Variants in ACTMAP observed in about 807,000 individuals in gnomAD.
ACTMAP encodes the protein UPF0692 protein C19orf54.
the ACTMAP span, chr19:40,742,582 C>G: frequency 1.9e-6 from 3 of 1,607,980 alleles, no homozygotes; most frequent in Non-Finnish European, 1.7e-6. Context: ...CGGACCTGGT[C>G]GTAGTCCCAC....
the ACTMAP span, chr19:40,743,990 A>G: frequency 1.9e-6 from 3 of 1,613,854 alleles, no homozygotes; most frequent in East Asian, 2.2e-5. Flanking sequence ...TGCTGGCATT[A>G]AGGTAAAAAC....
the ACTMAP span, chr19:40,749,972 G>A: frequency 3.6e-5 from 19 of 526,618 alleles, no homozygotes; most frequent in African/African-American, 3.4e-4. Context: ...TGAAACCACG[G>A]GAGCAGGAAT....
the ACTMAP span, chr19:40,743,907 G>T: frequency 6.2e-7 from 1 of 1,614,010 alleles, no homozygotes; most frequent in Non-Finnish European, 8.5e-7. Flanking sequence ...GAACCCACCT[G>T]CACTCACCGC....
the ACTMAP span, chr19:40,741,209 A>G: frequency 0.5 from 193,017 of 384,946 alleles, 49,191 homozygotes; most frequent in East Asian, 0.59. Context: ...TGGGAGGCCG[A>G]GGCGGGTGGA....
At chr19:40,743,378 A>G in the ACTMAP span, among the ~76,000 whole-genome samples, 1 of 152,068 alleles carries the variant, frequency 6.6e-6, no homozygotes, top group Admixed American at 6.6e-5. Context: ...GATTTCAGGC[A>G]TACACCACCA....
At chr19:40,749,770 G>C in the ACTMAP span, 1 of 1,474,892 alleles carries the variant, frequency 6.8e-7, no homozygotes, top group Non-Finnish European at 9.0e-7. Context: ...GGAGAAATTG[G>C]TGGTTTTAGG....
chr19:40,750,096 TTAG>T, the ACTMAP span, among the ~76,000 whole-genome samples: 7 of 151,680 alleles, frequency 4.6e-5, no homozygotes, highest in African/African-American at 1.5e-4. Flanking sequence ...AGGTGGAGAG[TTAG>T]TAGGAGTTAA....
At chr19:40,749,261 G>A in the ACTMAP span, among the ~76,000 whole-genome samples, 1 of 152,194 alleles carries the variant, frequency 6.6e-6, no homozygotes, top group Non-Finnish European at 1.5e-5. Flanking sequence ...AAAGTGCTGG[G>A]ATTACATGCA....
the ACTMAP span, chr19:40,744,566 C>T: frequency 6.2e-6 from 10 of 1,613,466 alleles, no homozygotes; most frequent in Admixed American, 6.7e-5. Context: ...CACCTGAGAA[C>T]ATCTCTCCCT....
chr19:40,747,024 C>G, the ACTMAP span, among the ~76,000 whole-genome samples: 1 of 151,594 alleles, frequency 6.6e-6, no homozygotes, highest in Non-Finnish European at 1.5e-5. Context: ...CCAGGCTAGT[C>G]TCAAACTCCT....
chr19:40,744,803 AG>A, the ACTMAP span: 1 of 1,395,426 alleles, frequency 7.2e-7, no homozygotes, highest in Non-Finnish European at 9.5e-7. Flanking sequence ...CAGGCCAGCG[AG>A]GGAGACCTGA....
At chr19:40,747,232 A>C in the ACTMAP span, among the ~76,000 whole-genome samples, 293 of 152,068 alleles carry the variant, frequency 1.9e-3, 1 homozygote, top group Non-Finnish European at 3.2e-3. Flanking sequence ...ATGATACCAC[A>C]TAAGTATGAT....
At chr19:40,742,375 T>C in the ACTMAP span, 2 of 1,417,220 alleles carry the variant, frequency 1.4e-6, no homozygotes, top group East Asian at 2.5e-5. Flanking sequence ...GTGGGAGAAG[T>C]GTAGGCACAC....
the ACTMAP span, among the ~76,000 whole-genome samples, chr19:40,745,956 AG>A: frequency 6.6e-6 from 1 of 152,212 alleles, no homozygotes; most frequent in Non-Finnish European, 1.5e-5. Flanking sequence ...TATAGGCGTG[AG>A]CCACCGTGCC....
At chr19:40,744,072 G>A in the ACTMAP span, 37 of 1,613,882 alleles carry the variant, frequency 2.3e-5, no homozygotes, top group African/African-American at 4.4e-4. Flanking sequence ...GATACGGGAT[G>A]AGCAGGGGAT....
chr19:40,745,952 C>T, the ACTMAP span, among the ~76,000 whole-genome samples: 7 of 152,196 alleles, frequency 4.6e-5, no homozygotes, highest in Non-Finnish European at 1.0e-4. Flanking sequence ...GGATTATAGG[C>T]GTGAGCCACC....
At chr19:40,741,160 G>T in the ACTMAP span, 1 of 398,580 alleles carries the variant, frequency 2.5e-6, no homozygotes, top group East Asian at 3.6e-5. Flanking sequence ...ACTGCACTGT[G>T]GCCGGGCTCA....
chr19:40,744,561 G>A, the ACTMAP span: 6 of 1,613,374 alleles, frequency 3.7e-6, no homozygotes, highest in African/African-American at 5.3e-5. Context: ...CAGCTCACCT[G>A]AGAACATCTC....
the ACTMAP span, chr19:40,742,899 T>C: frequency 1.1e-6 from 1 of 908,688 alleles, no homozygotes; most frequent in South Asian, 1.7e-5. Context: ...ACGGTGACGT[T>C]AGTGGTGGCC....
Sources: allele counts gnomAD v4.1 joint callset (sites outside exome capture counted in the v4.1 genomes callset), GRCh38; gene constraint gnomAD v4.1.1; transcripts MANE v1.5; gene names NCBI Gene and HGNC (gene_info 2026-07-23, HGNC 2026-07-21).